CELF2: variants seen among roughly 807,000 people sequenced by gnomAD.
CELF2 encodes the protein CUGBP Elav-like family member 2.
A neutral mutation model predicts 62.6 loss-of-function variants in CELF2; 8 were observed. That is an observed-to-expected ratio of 0.13 (90% CI 0.07 to 0.23). CELF2 has a LOEUF of 0.23. Among genes scored for constraint, CELF2 ranks in the 10% least tolerant of loss-of-function variants. The pLI, the probability that CELF2 is intolerant of heterozygous loss-of-function variation, is 1.00. For synonymous variants in CELF2, 258 were observed against 250.0 expected, an observed-to-expected ratio of 1.03 and a Z score of -0.30; for missense variants, 333 against 671.0, an observed-to-expected ratio of 0.50 and a Z score of 5.56.
At chr10:10,830,254 G>A (rs1469508044) in intron 1 of CELF2, among the ~76,000 whole-genome samples, 1 of 140,238 alleles carries the variant, frequency 7.1e-6, no homozygotes, top group Non-Finnish European at 1.5e-5. Context: ...CAAACTGTGA[G>A]CTATTGAATG....
chr10:10,773,563 G>A, the CELF2 span, among the ~76,000 whole-genome samples: 2 of 152,208 alleles, frequency 1.3e-5, no homozygotes, highest in Admixed American at 1.3e-4. Context: ...TATTTGACAA[G>A]CATGCTGAGC....
the CELF2 span, among the ~76,000 whole-genome samples, chr10:10,770,283 G>A: frequency 2.6e-5 from 4 of 151,960 alleles, no homozygotes; most frequent in African/African-American, 7.3e-5. Context: ...AGTAAGCCGA[G>A]GTCGCGCCAC....
At chr10:10,719,572 T>C in the CELF2 span, among the ~76,000 whole-genome samples, 2 of 152,182 alleles carry the variant, frequency 1.3e-5, no homozygotes, top group Admixed American at 6.5e-5. Flanking sequence ...CCAGCCTATA[T>C]TGATTGCTTT....
upstream of CELF2, among the ~76,000 whole-genome samples, chr10:10,797,214 G>A (rs1489943625): frequency 6.6e-6 from 1 of 152,120 alleles, no homozygotes; most frequent in African/African-American, 2.4e-5. Context: ...TCTGCTTGAA[G>A]GGAAGAAGTT....
the CELF2 span, among the ~76,000 whole-genome samples, chr10:10,581,140 G>T: frequency 6.6e-6 from 1 of 152,182 alleles, no homozygotes; most frequent in African/African-American, 2.4e-5. Context: ...AATAATTGTT[G>T]TGAAATATAT....
rs2083497124 is a variant in CELF2 at position 11,270,640 on chromosome 10, C to G, written c.619-26C>G. ...ATTCCGCCAGCCTGTAACCCCCTCT[C>G]CACTTTCCAATGTGTCTGACCACAG... On this transcript the variant is annotated intron_variant, in intron 6 of 12. Transcript: ENST00000633077. This position sits in a 1 kb window ranked among gnomAD's most constrained non-coding sequence, Gnocchi z 5.8. The G allele has an allele frequency of 7.1e-7, 1 of 1,407,324 alleles. No homozygotes were observed. 87.2% of individuals were successfully genotyped at this position (1,407,324 alleles called of 1,614,324 possible). A position where few individuals can be genotyped will look rare whatever the true frequency, so the allele number is the denominator to read the frequency against.
chr10:10,990,281 A>G lies in CELF2; in HGVS notation c.89+70282A>G, dbSNP rs928482162. ...GAAAAATATATCATGTTGTATAAAA[A>G]GGATTAAAAATTCTGATCAATACAA... On this transcript the variant is annotated intron_variant, in intron 2 of 13. Transcript: ENST00000636488. The surrounding 1 kb of genome is among the most constrained non-coding windows in gnomAD (Gnocchi z 4.6). Among the ~76,000 whole-genome samples the G allele has an allele frequency of 6.6e-6, 1 of 152,134 alleles. No individual in the cohort carries two copies. The highest frequency in any genetic ancestry group is 2.4e-5 in the African/African-American group (1 of 41,470).
At chr10:10,851,719 A>G (rs1205903706) in intron 1 of CELF2, among the ~76,000 whole-genome samples, 2 of 152,258 alleles carry the variant, frequency 1.3e-5, no homozygotes, top group African/African-American at 4.8e-5. Context: ...AATTGTATCC[A>G]GAATACGTAC....
the CELF2 span, among the ~76,000 whole-genome samples, chr10:10,626,806 C>A: frequency 1.3e-5 from 2 of 152,156 alleles, no homozygotes; most frequent in Non-Finnish European, 2.9e-5. Context: ...TCCTTAATCA[C>A]GTGTTTACAA....
At chr10:11,003,643 C>G (rs2054745724), upstream of CELF2, among the ~76,000 whole-genome samples, 1 of 152,058 alleles carries the variant, frequency 6.6e-6, no homozygotes, top group Non-Finnish European at 1.5e-5. This position sits in a 1 kb window ranked among gnomAD's most constrained non-coding sequence, Gnocchi z 4.4. Flanking sequence ...GACTTCTGCC[C>G]CAGCACCGAG....
At chr10:10,758,580 C>T in the CELF2 span, among the ~76,000 whole-genome samples, 1 of 151,478 alleles carries the variant, frequency 6.6e-6, no homozygotes. Context: ...AGTGTCTACA[C>T]AGAGTGGGAA....
chr10:10,876,512 A>G (rs1417859757), intron 1 of CELF2, among the ~76,000 whole-genome samples: 1 of 152,170 alleles, frequency 6.6e-6, no homozygotes, highest in African/African-American at 2.4e-5. Flanking sequence ...AGACTCTCAC[A>G]CACTTGGACA....
At chr10:10,932,239 G>A (rs1414862905) in intron 2 of CELF2, among the ~76,000 whole-genome samples, 3 of 152,184 alleles carry the variant, frequency 2.0e-5, no homozygotes, top group African/African-American at 4.8e-5. Flanking sequence ...AGAGTAGCAT[G>A]GGGGCTGGAC....
At chr10:10,617,272 T>C in the CELF2 span, among the ~76,000 whole-genome samples, 10 of 152,146 alleles carry the variant, frequency 6.6e-5, no homozygotes, top group Admixed American at 5.2e-4. Context: ...CATGTATTGA[T>C]CCCTCACCAT....
chr10:10,829,168 C>A lies in CELF2; in HGVS notation c.53+30351C>A, dbSNP rs138851797. On this transcript the variant is annotated intron_variant, in intron 1 of 13. Coordinates refer to the CELF2 transcript ENST00000636488. ...AGTTATCTTGTCACTGTCCTATGGACTGATACGTATCTTGAATATTGACTT... is the reference window on the plus strand; with the variant it reads ...AGTTATCTTGTCACTGTCCTATGGAATGATACGTATCTTGAATATTGACTT... 2.0e-5 allele frequency among the ~76,000 whole-genome samples: 3 copies of A among 152,332 alleles called. No individual in the cohort carries two copies. In the East Asian group the frequency reaches 5.8e-4, roughly 29 times the overall value.
chr10:10,562,058 A>C, the CELF2 span, among the ~76,000 whole-genome samples: 13 of 152,226 alleles, frequency 8.5e-5, no homozygotes, highest in African/African-American at 2.7e-4. Flanking sequence ...AACCCTACCA[A>C]GGTGACCAAT....
At chr10:11,009,119 A>G (rs570737581) in intron 1 of CELF2, among the ~76,000 whole-genome samples, 1 of 152,008 alleles carries the variant, frequency 6.6e-6, no homozygotes, top group East Asian at 1.9e-4. Context: ...GGTAGGAAAG[A>G]CAAGGCAGTG....
At chr10:11,197,680 G>A (rs995102922) in intron 2 of CELF2, among the ~76,000 whole-genome samples, 1 of 152,206 alleles carries the variant, frequency 6.6e-6, no homozygotes, top group Non-Finnish European at 1.5e-5. Flanking sequence ...TGACTTACAC[G>A]GTCGGTGGCA....
Position 11,050,389 on chromosome 10 carries a change from G to T in CELF2, c.74+32226G>T, listed in dbSNP as rs148062510. ...TTGGGCTTGGGTTTCAGATACTTCTGGGACATGCGTGAGATGAGTGACACT... is the reference window on the plus strand; with the variant it reads ...TTGGGCTTGGGTTTCAGATACTTCTTGGACATGCGTGAGATGAGTGACACT... On this transcript the variant is annotated intron_variant, in intron 1 of 12. Transcript: ENST00000633077. Among the ~76,000 whole-genome samples, 190 of 152,278 alleles carry T rather than the reference G, an allele frequency of 1.2e-3. 10 individuals carry two copies. In the South Asian group the frequency reaches 0.037, roughly 30 times the overall value.
Sources: allele counts gnomAD v4.1 joint callset (sites outside exome capture counted in the v4.1 genomes callset), GRCh38; gene constraint gnomAD v4.1.1; non-coding constraint Gnocchi (gnomAD v3.1); transcripts MANE v1.5; gene names NCBI Gene and HGNC (gene_info 2026-07-23, HGNC 2026-07-21).